The following OPCML variants were observed in gnomAD, a reference collection of about 807,000 sequenced individuals.
The protein encoded by OPCML is opioid-binding protein/cell adhesion molecule.
A neutral mutation model predicts 37.8 loss-of-function variants in OPCML; 13 were observed. That is an observed-to-expected ratio of 0.34 (90% CI 0.22 to 0.55). The LOEUF (loss-of-function observed/expected upper bound fraction) is 0.55, where lower values mean the gene tolerates loss of function less well. OPCML is among the 20% of genes least tolerant of loss of function. The pLI is 0.91. For synonymous variants in OPCML, 176 were observed against 168.8 expected (o/e 1.04, Z -0.33); for missense variants, 341 against 435.6 (o/e 0.78, Z 1.93).
In OPCML at chr11:132,426,921, C is replaced by G. The variant is rs778106990; in HGVS notation, c.917-6628G>C. ...ACAATCACAGTACCCAAACTCAGCA[C>G]AGAGCTCTCAGAAAAAAATATAGAA... On this transcript the variant is annotated intron_variant, in intron 7 of 7. Coordinates refer to ENST00000524381, the MANE Select transcript of OPCML (RefSeq NM_001012393.5). 6.8e-4 allele frequency among the ~76,000 whole-genome samples: 104 copies of G among 152,160 alleles called. 1 individual carries two copies. Among genetic ancestry groups the G allele is most frequent in the Non-Finnish European group, 1.4e-3 (98 of 68,038 alleles).
At chr11:132,630,444 T>C (rs926458168) in intron 3 of OPCML, among the ~76,000 whole-genome samples, 11 of 152,078 alleles carry the variant, frequency 7.2e-5, no homozygotes, top group Non-Finnish European at 1.5e-4. Context: ...TGTAACCCCA[T>C]TAAAACTGTA....
At chr11:132,554,253 A>G (rs2096389211) in intron 3 of OPCML, among the ~76,000 whole-genome samples, 1 of 152,216 alleles carries the variant, frequency 6.6e-6, no homozygotes, top group African/African-American at 2.4e-5. Context: ...TATAAAGTTT[A>G]TCTGGTTTTA....
chr11:133,050,606 AC>A (rs1948111573), intron 1 of OPCML, among the ~76,000 whole-genome samples: 1 of 152,052 alleles, frequency 6.6e-6, no homozygotes, highest in East Asian at 1.9e-4. Context: ...ATGTCCTACC[AC>A]TCAGAACCAT....
intron 1 of OPCML, among the ~76,000 whole-genome samples, chr11:133,097,757 T>C (rs949259613): frequency 2.6e-5 from 4 of 152,310 alleles, no homozygotes; most frequent in South Asian, 4.1e-4. Context: ...ACAAATTTGA[T>C]GACCTATATG....
At chr11:132,530,397 C>T (rs77726060) in intron 3 of OPCML, among the ~76,000 whole-genome samples, 1,898 of 152,140 alleles carry the variant, frequency 0.012, 58 homozygotes, top group East Asian at 0.071. Context: ...CCAATTTTCA[C>T]GGAGATAATT....
At chr11:132,971,308 C>T (rs117080756) in intron 1 of OPCML, among the ~76,000 whole-genome samples, 1,689 of 152,254 alleles carry the variant, frequency 0.011, 11 homozygotes, top group Middle Eastern at 0.041. Context: ...ATACAGTTTG[C>T]TGTGCCACTT....
At chr11:132,671,637 A>C (rs983898390) in intron 2 of OPCML, among the ~76,000 whole-genome samples, 1 of 152,172 alleles carries the variant, frequency 6.6e-6, no homozygotes, top group Non-Finnish European at 1.5e-5. Flanking sequence ...AGCACTCAAC[A>C]TGTGGGCAAG....
At chr11:132,529,827 A>C (rs909608808) in intron 3 of OPCML, among the ~76,000 whole-genome samples, 1 of 152,144 alleles carries the variant, frequency 6.6e-6, no homozygotes, top group African/African-American at 2.4e-5. Context: ...TCCAACCAGC[A>C]ATGTGTGGGT....
chr11:132,765,784 A>G (rs1946422132), intron 2 of OPCML, among the ~76,000 whole-genome samples: 1 of 152,214 alleles, frequency 6.6e-6, no homozygotes, highest in South Asian at 2.1e-4. Context: ...GTGATGCCCT[A>G]GCAGTATTGA....
At chr11:132,625,220 T>C (rs913662110) in intron 3 of OPCML, among the ~76,000 whole-genome samples, 1 of 152,128 alleles carries the variant, frequency 6.6e-6, no homozygotes, top group Non-Finnish European at 1.5e-5. Flanking sequence ...CTCCCTCCAC[T>C]CTGCACCCTA....
chr11:133,519,086 G>A (rs1011760113), intron 1 of OPCML, among the ~76,000 whole-genome samples: 1 of 152,100 alleles, frequency 6.6e-6, no homozygotes, highest in East Asian at 1.9e-4. Flanking sequence ...CCGTTGCGGG[G>A]TGGCTGACTC....
At chr11:133,227,041 G>A (rs183319078) in intron 1 of OPCML, among the ~76,000 whole-genome samples, 3 of 152,306 alleles carry the variant, frequency 2.0e-5, no homozygotes, top group South Asian at 2.1e-4. Context: ...CTGATGTGCC[G>A]GTGTCAGCTC....
chr11:133,027,107 C>T (rs1311200752), intron 1 of OPCML, among the ~76,000 whole-genome samples: 2 of 152,186 alleles, frequency 1.3e-5, no homozygotes, highest in Non-Finnish European at 2.9e-5. Context: ...TACATGGCCT[C>T]TCTGTGTCTC....
At chr11:132,547,627 A>G (rs1166237467) in intron 3 of OPCML, among the ~76,000 whole-genome samples, 11 of 152,190 alleles carry the variant, frequency 7.2e-5, no homozygotes, top group Admixed American at 7.2e-4. Context: ...GAAGAAGGCC[A>G]GCATGCTAGC....
At chr11:133,431,448 G>T (rs1946112479) in intron 1 of OPCML, among the ~76,000 whole-genome samples, 1 of 149,906 alleles carries the variant, frequency 6.7e-6, no homozygotes, top group Non-Finnish European at 1.5e-5. Context: ...TGTATTGTAT[G>T]AATCTCAATG....
intron 1 of OPCML, among the ~76,000 whole-genome samples, chr11:132,982,025 T>A (rs983985317): frequency 6.6e-6 from 1 of 152,192 alleles, no homozygotes; most frequent in African/African-American, 2.4e-5. Flanking sequence ...CTCTTTCCAA[T>A]GCATAATGTT....
intron 1 of OPCML, among the ~76,000 whole-genome samples, chr11:133,482,918 G>C (rs1454096028): frequency 2.6e-5 from 4 of 152,034 alleles, no homozygotes; most frequent in Non-Finnish European, 5.9e-5. Flanking sequence ...ATATACATTT[G>C]ATCACATTGA....
At chr11:132,469,442 T>C (rs1220872685) in intron 4 of OPCML, among the ~76,000 whole-genome samples, 1 of 149,556 alleles carries the variant, frequency 6.7e-6, no homozygotes, top group Non-Finnish European at 1.5e-5. Flanking sequence ...TGTGTGTGAA[T>C]GTATGTGTGT....
intron 1 of OPCML, among the ~76,000 whole-genome samples, chr11:133,083,973 T>C (rs1014987333): frequency 3.3e-5 from 5 of 152,222 alleles, no homozygotes; most frequent in African/African-American, 1.2e-4. Flanking sequence ...GGAATTGTTA[T>C]TTCAATCCTT....
Sources: allele counts gnomAD v4.1 joint callset (sites outside exome capture counted in the v4.1 genomes callset), GRCh38; gene constraint gnomAD v4.1.1; transcripts MANE v1.5; gene names NCBI Gene and HGNC (gene_info 2026-07-23, HGNC 2026-07-21).